ZNF444: variants seen among roughly 807,000 people sequenced by gnomAD.
ZNF444 encodes the protein zinc finger protein 444.
ZNF444 carries 8 observed loss-of-function variants against 14.4 expected under a neutral mutation model. That is an observed-to-expected ratio of 0.56 (90% CI 0.33 to 1.00). The LOEUF (loss-of-function observed/expected upper bound fraction) is 1.00, where lower values mean the gene tolerates loss of function less well. Ranked by LOEUF, ZNF444 falls within the 50% of genes least tolerant of loss-of-function variation. The probability of loss-of-function intolerance (pLI) is 0.03; values close to 1 mark genes in which losing one functional copy is unlikely to be tolerated. For missense variants in ZNF444, 510 were observed against 504.8 expected (o/e 1.01, Z -0.10); for synonymous variants, 258 against 235.9 (o/e 1.09, Z -0.86).
chr19:56,134,384 G>C (rs907616575), intron 1 of ZNF444, among the ~76,000 whole-genome samples: 1 of 152,186 alleles, frequency 6.6e-6, no homozygotes, highest in East Asian at 1.9e-4. Flanking sequence ...TCATTCACAG[G>C]CAGGCCCCAA....
In ZNF444 at chr19:56,132,935, C is replaced by CTTTCTTT. The variant is rs780382826; in HGVS notation, c.-197+160_-197+161insCTTTTTT. On this transcript the variant is annotated intron_variant, in intron 1 of 2. Coordinates refer to the ZNF444 transcript ENST00000587467. The stretch of plus-strand genomic sequence containing the variant: ...TTTCTTTTTCTTTCTTTCTTTCTTT[C>CTTTCTTT]TTTTTTTTTTTTTTTTTTTTGAGAC... Among the ~76,000 whole-genome samples, 10 of 94,298 alleles carry CTTTCTTT rather than the reference C, an allele frequency of 1.1e-4. 1 individual carries two copies. The highest frequency in any genetic ancestry group is 2.9e-4 in the Admixed American group (2 of 6,798). 61.9% of individuals were successfully genotyped at this position (94,298 alleles called of 152,430 possible).
At chr19:56,152,294 C>T (rs902487927) in intron 3 of ZNF444, among the ~76,000 whole-genome samples, 3 of 150,458 alleles carry the variant, frequency 2.0e-5, no homozygotes, top group Non-Finnish European at 4.4e-5. Flanking sequence ...ACTGCACCAC[C>T]GCACTCCAGC....
chr19:56,159,819 A>C lies in ZNF444; in HGVS notation c.602A>C (p.His201Pro). The change falls in exon 5 of 5, where the codon CAC becomes CCC. Residue 201 changes from histidine to proline, a missense_variant. His to Pro is a moderately conservative substitution (Grantham distance 77). Coordinates refer to ENST00000337080, the MANE Select transcript of ZNF444 (RefSeq NM_018337.4). Reference sequence around the variant, plus strand: ...CACCTGCTGCGCCACCGGCAGAGCCACTCGGGCGAGAAGCCGCACGCCTGC... The same window carrying C: ...CACCTGCTGCGCCACCGGCAGAGCCCCTCGGGCGAGAAGCCGCACGCCTGC... The part of the protein sequence containing the change: ...PAHLLRHRQS[H>P]SGEKPHACPE... The C allele has an allele frequency of 6.3e-7, 1 of 1,577,978 alleles. No homozygotes were observed. Among genetic ancestry groups the C allele is most frequent in the Non-Finnish European group, 8.6e-7 (1 of 1,167,788 alleles).
Position 56,147,164 on chromosome 19 carries a change from C to T in ZNF444, c.253C>T (p.Pro85Ser). 1 of 1,504,218 alleles carries T rather than the reference C, an allele frequency of 6.6e-7. No homozygotes were observed. Among genetic ancestry groups the T allele is most frequent in the African/African-American group, 1.4e-5 (1 of 70,378 alleles). The allele number at this position is 1,504,218 out of a possible 1,614,324, so 93.2% of individuals were successfully genotyped here. ...GCAGGCCTGGGTGTGCAGCCGGCAGCCGCAGAGCGGGGAGGAGGCGGTGGC... is the reference window on the plus strand; with the variant it reads ...GCAGGCCTGGGTGTGCAGCCGGCAGTCGCAGAGCGGGGAGGAGGCGGTGGC... The part of the protein sequence containing the change: ...DTQAWVCSRQ[P>S]QSGEEAVALL... Residue 85 changes from proline to serine, a missense_variant, in exon 3 of 5, where the codon CCG becomes TCG. Transcript: ENST00000337080. This position sits in a 1 kb window ranked among gnomAD's most constrained non-coding sequence, Gnocchi z 5.9.
chr19:56,138,703 T>C (rs934393242), upstream of ZNF444, among the ~76,000 whole-genome samples: 1 of 151,016 alleles, frequency 6.6e-6, no homozygotes, highest in African/African-American at 2.4e-5. Flanking sequence ...GAGGAATGGG[T>C]GGTTCACATT....
chr19:56,156,095 T>C (rs947311440), intron 3 of ZNF444: 12 of 152,224 alleles, frequency 7.9e-5, no homozygotes, highest in African/African-American at 2.9e-4. Flanking sequence ...CGATTTATTG[T>C]AAAGGAGATT....
intron 3 of ZNF444, among the ~76,000 whole-genome samples, chr19:56,152,442 A>C (rs1291745062): frequency 6.8e-6 from 1 of 147,820 alleles, no homozygotes; most frequent in Admixed American, 6.8e-5. Flanking sequence ...GAATGTCTCC[A>C]TTCTCCTGTT....
chr19:56,143,121 G>A (rs1006593730), intron 1 of ZNF444, among the ~76,000 whole-genome samples: 2 of 152,188 alleles, frequency 1.3e-5, no homozygotes, highest in Non-Finnish European at 2.9e-5. Flanking sequence ...GCTGTTGAAT[G>A]CACATAGCAC....
In ZNF444 at chr19:56,147,274, C is replaced by G; in HGVS notation, c.297+66C>G. 11 of 1,383,418 alleles carry G rather than the reference C, an allele frequency of 8.0e-6. No individual in the cohort carries two copies. The highest frequency in any genetic ancestry group is 9.3e-6 in the Non-Finnish European group (10 of 1,073,434). 85.7% of individuals were successfully genotyped at this position (1,383,418 alleles called of 1,614,324 possible). Reference sequence around the variant, plus strand: ...AGGTGCCAGGGAAGCCACCAGGAAGCCCAGGGAGGAGCACCACTGAACCCC... The same window carrying G: ...AGGTGCCAGGGAAGCCACCAGGAAGGCCAGGGAGGAGCACCACTGAACCCC... On this transcript the variant is annotated intron_variant, in intron 3 of 4. Coordinates refer to ENST00000337080, the MANE Select transcript of ZNF444 (RefSeq NM_018337.4). This position sits in a 1 kb window ranked among gnomAD's most constrained non-coding sequence, Gnocchi z 5.9.
intron 1 of ZNF444, chr19:56,142,258 C>T (rs1258124657): frequency 6.6e-6 from 1 of 152,202 alleles, no homozygotes; most frequent in African/African-American, 2.4e-5. Context: ...TTTTTGTTCT[C>T]CTTCTATCAC....
upstream of ZNF444, among the ~76,000 whole-genome samples, chr19:56,138,855 G>A (rs654767): frequency 0.064 from 8,433 of 131,424 alleles, 273 homozygotes; most frequent in Middle Eastern, 0.082. Flanking sequence ...GAAGTGCAGC[G>A]GTGCAATCTT....
At chr19:56,142,945 A>G (rs78141866) in intron 1 of ZNF444, among the ~76,000 whole-genome samples, 5,078 of 152,052 alleles carry the variant, frequency 0.033, 90 homozygotes, top group South Asian at 0.04. Flanking sequence ...GCATCTCCCT[A>G]TGGTAAGAGG....
In ZNF444 at chr19:56,160,450, T is replaced by C; in HGVS notation, c.*249T>C. The C allele has an allele frequency of 2.2e-6, 1 of 451,448 alleles. No individual in the cohort carries two copies. The highest frequency in any genetic ancestry group is 3.6e-5 in the South Asian group (1 of 27,852). 28.0% of individuals were successfully genotyped at this position (451,448 alleles called of 1,614,324 possible). On this transcript the variant is annotated 3_prime_UTR_variant, in exon 5 of 5. Transcript: ENST00000337080. ...TCCCTGATTTCTCGGCCTCTCTCTC[T>C]GTGTGAAGGGGCCTCTCCCTAATGT...
upstream of ZNF444, among the ~76,000 whole-genome samples, chr19:56,138,524 T>C (rs966023126): frequency 2.6e-5 from 4 of 151,918 alleles, no homozygotes; most frequent in African/African-American, 9.7e-5. Context: ...TCTCAGCTAC[T>C]CGGGAGGCCA....
chr19:56,160,140 A>T lies in ZNF444; in HGVS notation c.923A>T (p.Gln308Leu). ...RIHGRAAASA[Q>L]GAVAPGPDGG... ...CACGGCCGGGCAGCGGCCAGCGCGC[A>T]GGGGGCGGTAGCTCCGGGCCCGGAT... Residue 308 changes from glutamine to leucine, a missense_variant, in exon 5 of 5, where the codon CAG becomes CTG. Transcript: ENST00000337080. 6.8e-7 allele frequency: 1 copy of T among 1,481,088 alleles called. No individual in the cohort carries two copies. Among genetic ancestry groups the T allele is most frequent in the Admixed American group, 2.4e-5 (1 of 42,112 alleles). 91.7% of individuals were successfully genotyped at this position (1,481,088 alleles called of 1,614,324 possible).
intron 2 of ZNF444, 72 bp from the exon 3 acceptor site, chr19:56,146,818 G>GT: frequency 8.9e-7 from 1 of 1,124,232 alleles, no homozygotes; most frequent in Non-Finnish European, 1.2e-6. Flanking sequence ...AAGAGCGTTG[G>GT]TCCCATTGTG....
intron 1 of ZNF444, chr19:56,142,427 G>C (rs571215989): frequency 3.3e-5 from 5 of 152,344 alleles, no homozygotes; most frequent in African/African-American, 1.2e-4. Flanking sequence ...TCAACCAGGA[G>C]TGGTTTTGTC....
upstream of ZNF444, among the ~76,000 whole-genome samples, chr19:56,139,787 A>G (rs2030705006): frequency 6.6e-6 from 1 of 151,908 alleles, no homozygotes; most frequent in East Asian, 1.9e-4. Context: ...GTGAAGATGG[A>G]CTTGCTTTCT....
chr19:56,143,361 C>T (rs1409857160), intron 1 of ZNF444: 1 of 152,280 alleles, frequency 6.6e-6, no homozygotes, highest in Non-Finnish European at 1.5e-5. Flanking sequence ...TGGCATTGCT[C>T]TCTGGCGGAA....
Sources: allele counts gnomAD v4.1 joint callset (sites outside exome capture counted in the v4.1 genomes callset), GRCh38; gene constraint gnomAD v4.1.1; non-coding constraint Gnocchi (gnomAD v3.1); transcripts MANE v1.5; gene names NCBI Gene and HGNC (gene_info 2026-07-23, HGNC 2026-07-21).